Variants in ZNF320 observed in about 807,000 individuals in gnomAD.
ZNF320 encodes the protein zinc finger gene 320.
In ZNF320, 2 loss-of-function variants were observed where a neutral mutation model predicts 6.8. The observed-to-expected ratio is 0.29, with a 90% CI of 0.12 to 0.93. The LOEUF (loss-of-function observed/expected upper bound fraction) is 0.93, where lower values mean the gene tolerates loss of function less well. ZNF320 is among the 40% of genes least tolerant of loss of function. ZNF320 has a pLI of 0.55. For synonymous variants in ZNF320, 208 were observed against 203.2 expected, an observed-to-expected ratio of 1.02 and a Z score of -0.20; for missense variants, 472 against 611.0, an observed-to-expected ratio of 0.77 and a Z score of 2.40.
rs142956997 is a variant in ZNF320, at chr19:52,892,641, C to T, written c.-192+1138G>A. 4.3e-3 allele frequency among the ~76,000 whole-genome samples: 654 copies of T among 152,274 alleles called. 1 individual carries two copies. Among genetic ancestry groups the T allele is most frequent in the Non-Finnish European group, 7.5e-3 (508 of 68,018 alleles). On this transcript the variant is annotated intron_variant, in intron 2 of 5. Transcript: ENST00000682928. ...TCTCCACAACTCATTTAATCTCTTG[C>T]TGCTCCTTCTCCCCAATCTTTAGAT...
At chr19:52,888,721 GA>G (rs930239460) in intron 4 of ZNF320, among the ~76,000 whole-genome samples, 28 of 151,624 alleles carry the variant, frequency 1.8e-4, no homozygotes, top group South Asian at 4.2e-4. Context: ...TACACAGACT[GA>G]AAAAAAACTA....
chr19:52,871,637 C>G (rs1025302033), downstream of ZNF320, among the ~76,000 whole-genome samples: 1 of 152,152 alleles, frequency 6.6e-6, no homozygotes, highest in Non-Finnish European at 1.5e-5. Flanking sequence ...CAGAAAATCA[C>G]AGAAATATGT....
intron 5 of ZNF320, among the ~76,000 whole-genome samples, chr19:52,885,367 G>A (rs1254728591): frequency 6.6e-6 from 1 of 151,864 alleles, no homozygotes; most frequent in Non-Finnish European, 1.5e-5. Context: ...GATCACCTGG[G>A]GTCAAGGGTT....
At chr19:52,862,382 TCTTTCAAG>T (rs1397609719) in exon 6 of ZNF320, 14 of 491,862 alleles carry the variant, frequency 2.8e-5, no homozygotes, top group Non-Finnish European at 4.2e-5. Context: ...TTCACCTATG[TCTTTCAAG>T]CTGTGATTTA....
chr19:52,882,905 C>T (rs767013462), intron 5 of ZNF320, among the ~76,000 whole-genome samples: 10 of 151,672 alleles, frequency 6.6e-5, no homozygotes, highest in Non-Finnish European at 1.2e-4. Flanking sequence ...CACACCATTG[C>T]ACTCCACCTT....
At chr19:52,869,695 C>A (rs2147780915) in intron 5 of ZNF320, among the ~76,000 whole-genome samples, 1 of 151,644 alleles carries the variant, frequency 6.6e-6, no homozygotes, top group East Asian at 1.9e-4. Context: ...TGCCACCGGG[C>A]CTGGCTAAAT....
At chr19:52,883,996 G>T (rs2064001242) in intron 5 of ZNF320, among the ~76,000 whole-genome samples, 1 of 152,194 alleles carries the variant, frequency 6.6e-6, no homozygotes, top group East Asian at 1.9e-4. Context: ...GACTTTGAGA[G>T]AATTTAGTCA....
intron 5 of ZNF320, among the ~76,000 whole-genome samples, chr19:52,866,657 G>T (rs938787061): frequency 2.0e-5 from 3 of 152,054 alleles, no homozygotes; most frequent in African/African-American, 7.2e-5. Context: ...GATCACTTGA[G>T]GCCAGGAGTT....
At chr19:52,897,083 A>T (rs1180219781) in intron 1 of ZNF320, among the ~76,000 whole-genome samples, 1 of 152,210 alleles carries the variant, frequency 6.6e-6, no homozygotes, top group Non-Finnish European at 1.5e-5. Context: ...AAACTTTCTA[A>T]ACGGGTCCCC....
upstream of ZNF320, among the ~76,000 whole-genome samples, chr19:52,902,426 C>A (rs545249895): frequency 6.6e-6 from 1 of 152,338 alleles, no homozygotes; most frequent in South Asian, 2.1e-4. Flanking sequence ...TCTGGCCTGC[C>A]ATGTGCACAA....
exon 6 of ZNF320, chr19:52,862,578 T>C (rs1273694306): frequency 7.3e-6 from 3 of 410,754 alleles, no homozygotes; most frequent in African/African-American, 2.1e-5. Context: ...TGGCAGTCAT[T>C]ACATCTGTGA....
Position 52,876,938 on chromosome 19 carries a change from C to T in ZNF320, c.*3658G>A, listed in dbSNP as rs1212862422. ...CTCGGGCAACATGGTGAAAGCCCAT[C>T]TCTACTAGGAACACAAAAATTTGCC... On this transcript the variant is annotated 3_prime_UTR_variant, in exon 6 of 6. Coordinates refer to ENST00000682928, the MANE Select transcript of ZNF320 (RefSeq NM_001351774.2). The T allele has an allele frequency of 2.6e-5, 4 of 152,168 alleles. No individual in the cohort carries two copies. The highest frequency in any genetic ancestry group is 9.7e-5 in the African/African-American group (4 of 41,438). The allele number at this position is 152,168 out of a possible 1,614,324, so 9.4% of individuals were successfully genotyped here. A position where few individuals can be genotyped will look rare whatever the true frequency, so the allele number is the denominator to read the frequency against.
intron 5 of ZNF320, among the ~76,000 whole-genome samples, chr19:52,868,397 T>C (rs1346057979): frequency 1.3e-5 from 2 of 151,912 alleles, no homozygotes; most frequent in South Asian, 2.1e-4. Flanking sequence ...TCCCAGCTAC[T>C]TGGGAGCCTC....
chr19:52,880,642 T>C lies in ZNF320; in HGVS notation c.1484A>G (p.Asn495Ser), dbSNP rs758084679. ...GCTATACTCATTGCACTTGAAACAATTGTCTCCAAAAGGAATTTTCTGATG... is the reference window on the plus strand; with the variant it reads ...GCTATACTCATTGCACTTGAAACAACTGTCTCCAAAAGGAATTTTCTGATG... The part of the protein sequence containing the change: ...AEHQKIPFGD[N>S]CFKCNEYSKP... Residue 495 changes from asparagine to serine, a missense_variant, in exon 6 of 6, where the codon AAT (asparagine) becomes AGT (serine). Physicochemically the swap from Asn to Ser is conservative, Grantham distance 46. Coordinates refer to ENST00000682928, the MANE Select transcript of ZNF320 (RefSeq NM_001351774.2). The C allele has an allele frequency of 2.5e-5, 41 of 1,613,118 alleles. No individual in the cohort carries two copies. The highest frequency in any genetic ancestry group is 1.1e-4 in the East Asian group (5 of 44,884).
upstream of ZNF320, among the ~76,000 whole-genome samples, chr19:52,898,079 A>C (rs2064527734): frequency 6.6e-6 from 1 of 152,216 alleles, no homozygotes; most frequent in South Asian, 2.1e-4. Flanking sequence ...TATGTCCAAA[A>C]TCTGGAAGTT....
chr19:52,880,611 TG>T lies in ZNF320; in HGVS notation c.1514del (p.Pro505HisfsTer15). The T allele has an allele frequency of 6.2e-7, 1 of 1,600,766 alleles. No homozygotes were observed. Among genetic ancestry groups the T allele is most frequent in the Non-Finnish European group, 8.5e-7 (1 of 1,174,686 alleles). ...GACTCTGATGTCAATTAATGCTTGA[TG>T]GTTTGCTATACTCATTGCACTTGAA... ...NCFKCNEYSK[P>X]SSIN is the part of the protein sequence containing the mutation. On this transcript the variant is annotated frameshift_variant, in exon 6 of 6. Coordinates refer to ENST00000682928, the MANE Select transcript of ZNF320 (RefSeq NM_001351774.2). LOFTEE classifies it high-confidence loss of function.
intron 5 of ZNF320, among the ~76,000 whole-genome samples, chr19:52,869,394 A>C (rs1399293981): frequency 6.6e-6 from 1 of 152,128 alleles, no homozygotes; most frequent in African/African-American, 2.4e-5. Flanking sequence ...AAAATGAGTA[A>C]AGTCTATGAG....
At chr19:52,891,372 G>T (rs2064284701) in intron 2 of ZNF320, 26 bp from the exon 3 acceptor site, 1 of 151,382 alleles carries the variant, frequency 6.6e-6, no homozygotes, top group Non-Finnish European at 1.5e-5. Flanking sequence ...AAAAAAAAAA[G>T]CGTTTCTGAT....
At position 52,867,178 on chromosome 19, in the gene ZNF320, A is replaced by AT. The variant is rs1235219160; in HGVS notation, c.224-3020dup. On this transcript the variant is annotated intron_variant, in intron 5 of 5. Transcript: ENST00000673631. ...AGCCATGTTTGGATTTAATTAATTA[A>AT]TTAATTAATTAATTTATTTATTTAT... Among the ~76,000 whole-genome samples the AT allele has an allele frequency of 5.5e-4, 83 of 151,564 alleles. No homozygotes were observed. The East Asian group carries it at 0.013, about 23-fold the overall frequency.
Sources: allele counts gnomAD v4.1 joint callset (sites outside exome capture counted in the v4.1 genomes callset), GRCh38; gene constraint gnomAD v4.1.1; transcripts MANE v1.5; gene names NCBI Gene and HGNC (gene_info 2026-07-23, HGNC 2026-07-21).